GRIA4: variants seen among roughly 807,000 people sequenced by gnomAD.
GRIA4 encodes the protein glutamate receptor 4.
Under a neutral mutation model 104.0 loss-of-function variants are expected in GRIA4, and 34 were observed. That is an observed-to-expected ratio of 0.33 (90% CI 0.25 to 0.44). GRIA4 has a LOEUF of 0.44. Ranked by LOEUF, GRIA4 falls within the 20% of genes least tolerant of loss-of-function variation. The pLI, the probability that GRIA4 is intolerant of heterozygous loss-of-function variation, is 1.00. For synonymous variants in GRIA4, 386 were observed against 381.9 expected (o/e 1.01, Z -0.13); for missense variants, 750 against 1,096.5 (o/e 0.68, Z 4.46).
intron 3 of GRIA4, among the ~76,000 whole-genome samples, chr11:105,735,117 G>A (rs1938850519): frequency 6.6e-6 from 1 of 152,020 alleles, no homozygotes; most frequent in Admixed American, 6.6e-5. Context: ...TATACACTGA[G>A]CTAACATATA....
At chr11:105,611,123 T>G in intron 2 of GRIA4, 38 bp downstream of exon 2, 1 of 1,420,724 alleles carries the variant, frequency 7.0e-7, no homozygotes, top group Non-Finnish European at 1.0e-6. Context: ...TGTGGCTGGT[T>G]GTAGCAGATA....
At chr11:105,854,965 C>T (rs1469688235) in intron 4 of GRIA4, among the ~76,000 whole-genome samples, 1 of 152,148 alleles carries the variant, frequency 6.6e-6, no homozygotes, top group Non-Finnish European at 1.5e-5. Flanking sequence ...CTTCACAGGG[C>T]TGTTATGAGG....
chr11:105,814,894 G>A (rs1181053943), intron 4 of GRIA4, among the ~76,000 whole-genome samples: 5 of 151,586 alleles, frequency 3.3e-5, no homozygotes, highest in African/African-American at 7.3e-5. Flanking sequence ...AACCACAGAG[G>A]TGAATATATG....
intron 3 of GRIA4, among the ~76,000 whole-genome samples, chr11:105,671,258 C>T (rs553647346): frequency 2.0e-5 from 3 of 152,126 alleles, no homozygotes; most frequent in African/African-American, 7.2e-5. Context: ...ACCATGGCTT[C>T]TTATTAAAAT....
At chr11:105,881,784 T>C (rs1946071355) in intron 5 of GRIA4, among the ~76,000 whole-genome samples, 1 of 152,082 alleles carries the variant, frequency 6.6e-6, no homozygotes, top group South Asian at 2.1e-4. Context: ...TATCATTTCC[T>C]TTAAAATATC....
intron 7 of GRIA4, among the ~76,000 whole-genome samples, chr11:105,901,322 A>G (rs1467387212): frequency 6.6e-6 from 1 of 152,154 alleles, no homozygotes; most frequent in Non-Finnish European, 1.5e-5. Context: ...AATTCATCCC[A>G]GTTCTTTCTT....
At chr11:105,759,167 T>C (rs565918892) in intron 4 of GRIA4, among the ~76,000 whole-genome samples, 2 of 152,272 alleles carry the variant, frequency 1.3e-5, no homozygotes, top group Admixed American at 6.5e-5. Context: ...TAACTATCAT[T>C]CTTTTATTAC....
chr11:105,753,289 T>G (rs769038228), intron 4 of GRIA4, 69 bp downstream of exon 4: 1 of 1,440,902 alleles, frequency 6.9e-7, no homozygotes. Flanking sequence ...TTATATGACT[T>G]CGGTTTTTAG....
At chr11:105,844,451 T>C (rs2135968631) in intron 4 of GRIA4, among the ~76,000 whole-genome samples, 1 of 152,324 alleles carries the variant, frequency 6.6e-6, no homozygotes, top group South Asian at 2.1e-4. Context: ...TTTACAGCTG[T>C]ATATTCCAGA....
chr11:105,612,162 A>T, intron 2 of GRIA4, 114 bp from the exon 3 acceptor site: 1 of 880,638 alleles, frequency 1.1e-6, no homozygotes, highest in Non-Finnish European at 1.8e-6. Context: ...TGTGGCAGGT[A>T]TAGCTCTTTA....
At chr11:105,799,672 G>A (rs776889810) in intron 4 of GRIA4, among the ~76,000 whole-genome samples, 1 of 151,936 alleles carries the variant, frequency 6.6e-6, no homozygotes, top group Admixed American at 6.6e-5. Flanking sequence ...CAGATATAGT[G>A]GTAGGAATTT....
chr11:105,779,513 TG>T (rs1941616015), intron 4 of GRIA4, among the ~76,000 whole-genome samples: 2 of 152,236 alleles, frequency 1.3e-5, no homozygotes, highest in Non-Finnish European at 2.9e-5. Flanking sequence ...ATGCGGTGTT[TG>T]GTTTTTTGTT....
chr11:105,674,063 A>G (rs1952459903), intron 3 of GRIA4, among the ~76,000 whole-genome samples: 1 of 152,052 alleles, frequency 6.6e-6, no homozygotes, highest in Non-Finnish European at 1.5e-5. Context: ...ATCAAGTAGA[A>G]CTTGTTATTT....
intron 4 of GRIA4, among the ~76,000 whole-genome samples, chr11:105,860,326 T>C (rs903033935): frequency 7.9e-5 from 12 of 152,142 alleles, no homozygotes; most frequent in Admixed American, 3.9e-4. Context: ...AAATTCAAAA[T>C]CTCTGAATCT....
At chr11:105,751,120 C>A (rs1223566230) in intron 3 of GRIA4, among the ~76,000 whole-genome samples, 1 of 152,080 alleles carries the variant, frequency 6.6e-6, no homozygotes, top group Non-Finnish European at 1.5e-5. Flanking sequence ...AAACTAAAAG[C>A]CAGGATCTTA....
At chr11:105,675,214 C>T (rs1288208661) in intron 3 of GRIA4, among the ~76,000 whole-genome samples, 2 of 151,780 alleles carry the variant, frequency 1.3e-5, no homozygotes, top group Admixed American at 6.6e-5. Context: ...TGGGAAACTG[C>T]TTCCCCCTCG....
chr11:105,921,303 TTGGGTGTG>T (rs1173415329), intron 11 of GRIA4, among the ~76,000 whole-genome samples: 7 of 118,032 alleles, frequency 5.9e-5, no homozygotes, highest in South Asian at 2.9e-4. Flanking sequence ...TCTACCACAC[TTGGGTGTG>T]TGTGTGTGTG....
chr11:105,757,220 A>G (rs1412199766), intron 4 of GRIA4, among the ~76,000 whole-genome samples: 1 of 152,148 alleles, frequency 6.6e-6, no homozygotes, highest in Non-Finnish European at 1.5e-5. Flanking sequence ...GAACGTGGAT[A>G]AAGGCACATA....
At chr11:105,968,167 T>C (rs966256608) in intron 14 of GRIA4, among the ~76,000 whole-genome samples, 1 of 152,194 alleles carries the variant, frequency 6.6e-6, no homozygotes, top group Non-Finnish European at 1.5e-5. Flanking sequence ...GAAAACTAAC[T>C]ATCCCAACAG....
Sources: gnomAD v4.1 joint callset for allele counts (sites outside exome capture counted in the v4.1 genomes callset) on GRCh38, gnomAD v4.1.1 for gene constraint, MANE v1.5 for transcripts, NCBI Gene and HGNC (gene_info 2026-07-23, HGNC 2026-07-21) for gene names.